The following PPP2R2B variants were observed in gnomAD, a reference collection of about 807,000 sequenced individuals.
The protein encoded by PPP2R2B is protein phosphatase 2 regulatory subunit Bbeta, also known as serine/threonine-protein phosphatase 2A 55 kDa regulatory subunit B beta isoform.
A neutral mutation model predicts 46.0 loss-of-function variants in PPP2R2B; 5 were observed. The ratio of observed to expected loss-of-function variants is 0.11; its 90% CI spans 0.06 to 0.23. PPP2R2B has a LOEUF of 0.23. Ranked by LOEUF, PPP2R2B falls within the 10% of genes least tolerant of loss-of-function variation. PPP2R2B has a pLI of 1.00. For synonymous variants in PPP2R2B, 215 were observed against 206.7 expected, an observed-to-expected ratio of 1.04 and a Z score of -0.34; for missense variants, 367 against 575.0, an observed-to-expected ratio of 0.64 and a Z score of 3.70.
At chr5:146,989,434 A>C (rs1468634368) in intron 1 of PPP2R2B, among the ~76,000 whole-genome samples, 1 of 152,114 alleles carries the variant, frequency 6.6e-6, no homozygotes, top group African/African-American at 2.4e-5. Flanking sequence ...GGATGCAAGG[A>C]TGGTTCAACA....
intron 2 of PPP2R2B, among the ~76,000 whole-genome samples, chr5:146,746,366 C>A (rs924912492): frequency 1.8e-5 from 2 of 112,866 alleles, no homozygotes; most frequent in African/African-American, 6.7e-5. Context: ...TTTGAAACAG[C>A]TTTTGGACTG....
chr5:146,750,678 T>C (rs1283808574), intron 2 of PPP2R2B, among the ~76,000 whole-genome samples: 1 of 152,218 alleles, frequency 6.6e-6, no homozygotes, highest in Non-Finnish European at 1.5e-5. Context: ...CCATGTCCCC[T>C]ATGAATGGAG....
intron 1 of PPP2R2B, among the ~76,000 whole-genome samples, chr5:147,038,706 G>A (rs993572035): frequency 6.6e-6 from 1 of 152,158 alleles, no homozygotes; most frequent in Non-Finnish European, 1.5e-5. Flanking sequence ...AATGATTTCT[G>A]TGCAATAGGA....
rs1780616153 is a variant in PPP2R2B at position 146,718,432 on chromosome 5, T to A, written c.71-17290A>T. On this transcript the variant is annotated intron_variant, in intron 2 of 9. Transcript: ENST00000394411. Reference sequence around the variant, plus strand: ...TTCCTAGAATATTTATTAATATTTGTAGCCTGATCATTTGGATTATATCCT... The same window carrying A: ...TTCCTAGAATATTTATTAATATTTGAAGCCTGATCATTTGGATTATATCCT... Among the ~76,000 whole-genome samples the A allele has an allele frequency of 2.0e-5, 3 of 152,092 alleles. No homozygotes were observed. In the South Asian group the frequency reaches 6.2e-4, roughly 32 times the overall value.
chr5:146,942,265 T>G (rs902813981), intron 1 of PPP2R2B, among the ~76,000 whole-genome samples: 2 of 152,150 alleles, frequency 1.3e-5, no homozygotes, highest in Non-Finnish European at 2.9e-5. Context: ...CTAATACAAT[T>G]AGTGAAAAAG....
At chr5:146,833,155 C>T (rs1300095502) in intron 2 of PPP2R2B, among the ~76,000 whole-genome samples, 2 of 152,232 alleles carry the variant, frequency 1.3e-5, no homozygotes, top group Non-Finnish European at 2.9e-5. Context: ...GAAATTTCCA[C>T]ATTAGCTCAT....
At chr5:146,629,738 C>T (rs1344452605) in intron 7 of PPP2R2B, among the ~76,000 whole-genome samples, 3 of 151,384 alleles carry the variant, frequency 2.0e-5, no homozygotes, top group Non-Finnish European at 4.4e-5. Flanking sequence ...TCTCTTCCTC[C>T]CTTCCTCCCT....
intron 1 of PPP2R2B, among the ~76,000 whole-genome samples, chr5:146,934,294 A>G (rs1462440841): frequency 6.6e-6 from 1 of 151,412 alleles, no homozygotes; most frequent in Non-Finnish European, 1.5e-5. Context: ...TTACAGTCCC[A>G]CCAACAGTGT....
chr5:147,055,303 G>A (rs977251818), intron 1 of PPP2R2B, among the ~76,000 whole-genome samples: 3 of 152,200 alleles, frequency 2.0e-5, no homozygotes, highest in Non-Finnish European at 4.4e-5. Flanking sequence ...CAGAGAGCTC[G>A]GACAGATGTA....
intron 2 of PPP2R2B, among the ~76,000 whole-genome samples, chr5:146,802,137 C>A (rs994369835): frequency 6.6e-6 from 1 of 152,124 alleles, no homozygotes; most frequent in Admixed American, 6.5e-5. Flanking sequence ...GAGTAACAAT[C>A]TGACTGAGGA....
chr5:147,069,932 A>G (rs1166617615), intron 2 of PPP2R2B, among the ~76,000 whole-genome samples: 1 of 151,592 alleles, frequency 6.6e-6, no homozygotes, highest in Non-Finnish European at 1.5e-5. Context: ...CTGGGATTAC[A>G]GACGCCTGCC....
intron 7 of PPP2R2B, among the ~76,000 whole-genome samples, chr5:146,618,367 C>T (rs1390878956): frequency 6.6e-6 from 1 of 152,202 alleles, no homozygotes; most frequent in Non-Finnish European, 1.5e-5. Flanking sequence ...CAGAAAGGAG[C>T]ACAGCCCTGC....
At chr5:146,705,060 C>A (rs1236424684) in intron 2 of PPP2R2B, among the ~76,000 whole-genome samples, 1 of 152,124 alleles carries the variant, frequency 6.6e-6, no homozygotes, top group Admixed American at 6.5e-5. Flanking sequence ...TCAAAGTCTA[C>A]AGATGGAATA....
chr5:146,921,279 C>A (rs1475194933), intron 1 of PPP2R2B, among the ~76,000 whole-genome samples: 2 of 152,164 alleles, frequency 1.3e-5, no homozygotes, highest in Non-Finnish European at 2.9e-5. Flanking sequence ...AGTCAGCAAA[C>A]AAGACAAATG....
chr5:146,905,130 C>T (rs563943), intron 1 of PPP2R2B, among the ~76,000 whole-genome samples: 73,109 of 151,944 alleles, frequency 0.48, 19,399 homozygotes, highest in East Asian at 0.7. Flanking sequence ...CTAGAATTGC[C>T]AAGACTAACT....
intron 5 of PPP2R2B, among the ~76,000 whole-genome samples, chr5:146,676,114 G>A (rs1435119160): frequency 6.6e-6 from 1 of 151,992 alleles, no homozygotes; most frequent in East Asian, 1.9e-4. Flanking sequence ...GGGCTAGAGG[G>A]CAACATGGCC....
At chr5:147,001,741 G>A (rs1008919852) in intron 1 of PPP2R2B, among the ~76,000 whole-genome samples, 1 of 152,120 alleles carries the variant, frequency 6.6e-6, no homozygotes, top group African/African-American at 2.4e-5. Context: ...TAAATAACAG[G>A]CACTTGTTGG....
intron 5 of PPP2R2B, among the ~76,000 whole-genome samples, chr5:146,659,504 C>T (rs1162835289): frequency 6.7e-6 from 1 of 149,482 alleles, no homozygotes; most frequent in Non-Finnish European, 1.5e-5. Flanking sequence ...TATTCCCCTC[C>T]TTAACGTTGG....
upstream of PPP2R2B, chr5:146,878,850 C>G: frequency 1.7e-6 from 2 of 1,209,056 alleles, no homozygotes; most frequent in Non-Finnish European, 2.1e-6. The surrounding 1 kb of genome is among the most constrained non-coding windows in gnomAD (Gnocchi z 4.5). Context: ...CAGTGGTGGC[C>G]GAGGCAGAGG....
Sources: gnomAD v4.1 joint callset for allele counts (sites outside exome capture counted in the v4.1 genomes callset) on GRCh38, gnomAD v4.1.1 for gene constraint, Gnocchi (gnomAD v3.1) non-coding constraint, MANE v1.5 for transcripts, NCBI Gene and HGNC (gene_info 2026-07-23, HGNC 2026-07-21) for gene names.